The following SLIT3 variants were observed in gnomAD, a reference collection of about 807,000 sequenced individuals.
SLIT3 encodes slit guidance ligand 3, also known as slit homolog 3 protein.
SLIT3 carries 68 observed loss-of-function variants against 184.0 expected under a neutral mutation model. That is an observed-to-expected ratio of 0.37 (90% CI 0.30 to 0.45). SLIT3 has a LOEUF of 0.45. Among genes scored for constraint, SLIT3 ranks in the 20% least tolerant of loss-of-function variants. The pLI, the probability that SLIT3 is intolerant of heterozygous loss-of-function variation, is 1.00. For missense variants in SLIT3, 1,707 were observed against 2,026.0 expected, an observed-to-expected ratio of 0.84 and a Z score of 3.02; for synonymous variants, 831 against 828.6, an observed-to-expected ratio of 1.00 and a Z score of -0.05.
intron 4 of SLIT3, among the ~76,000 whole-genome samples, chr5:168,920,572 T>C (rs942521790): frequency 6.6e-6 from 1 of 152,172 alleles, no homozygotes; most frequent in Non-Finnish European, 1.5e-5. Flanking sequence ...GACTTCCTTA[T>C]TCAGTTTTAA....
intron 4 of SLIT3, among the ~76,000 whole-genome samples, chr5:169,177,833 T>C (rs934003544): frequency 2.6e-5 from 4 of 152,178 alleles, no homozygotes; most frequent in African/African-American, 7.2e-5. Context: ...CAAGGAGACT[T>C]CCTTTCTCTT....
At chr5:169,145,403 T>A (rs1339609943) in intron 4 of SLIT3, among the ~76,000 whole-genome samples, 1 of 152,180 alleles carries the variant, frequency 6.6e-6, no homozygotes, top group Non-Finnish European at 1.5e-5. Flanking sequence ...AAGGTATACA[T>A]GTGCAGATGC....
intron 4 of SLIT3, among the ~76,000 whole-genome samples, chr5:169,126,708 G>T (rs1475125654): frequency 6.6e-6 from 1 of 152,238 alleles, no homozygotes; most frequent in Non-Finnish European, 1.5e-5. Flanking sequence ...AGATGCCCGA[G>T]TCTGCCAAAT....
Position 168,823,334 on chromosome 5 carries a change from G to T in SLIT3, c.558-3C>A. ...TGATGTTGTTGTTGTTGAGGGTACT[G>T]TGGAGATAGACAAGGGAGATGGTCA... On this transcript the variant is annotated splice_region_variant and splice_polypyrimidine_tract_variant and intron_variant, in intron 6 of 35. Coordinates refer to ENST00000519560, the MANE Select transcript of SLIT3 (RefSeq NM_003062.4). The T allele has an allele frequency of 1.9e-6, 3 of 1,612,436 alleles. No homozygotes were observed. The highest frequency in any genetic ancestry group is 2.5e-6 in the Non-Finnish European group (3 of 1,178,512).
intron 8 of SLIT3, among the ~76,000 whole-genome samples, chr5:168,809,322 A>AAC (rs1367839756): frequency 6.6e-6 from 1 of 152,170 alleles, no homozygotes; most frequent in Non-Finnish European, 1.5e-5. Flanking sequence ...AAGTCTTTGA[A>AAC]AAAGATTCCT....
At chr5:168,844,423 T>A (rs1758378431) in intron 6 of SLIT3, among the ~76,000 whole-genome samples, 161 bp downstream of exon 6, 1 of 152,022 alleles carries the variant, frequency 6.6e-6, no homozygotes, top group African/African-American at 2.4e-5. Flanking sequence ...GCCGGAGGGA[T>A]CCCCTGGTTC....
At chr5:168,825,289 C>T (rs1757662082) in intron 6 of SLIT3, among the ~76,000 whole-genome samples, 1 of 152,166 alleles carries the variant, frequency 6.6e-6, no homozygotes, top group Non-Finnish European at 1.5e-5. Context: ...ATTCTCCATC[C>T]TACCCAAGGG....
intron 4 of SLIT3, among the ~76,000 whole-genome samples, chr5:169,150,776 C>T (rs1463807021): frequency 2.6e-5 from 4 of 152,164 alleles, no homozygotes; most frequent in Non-Finnish European, 4.4e-5. Context: ...GTCTTATCTA[C>T]TGGTCTCCAA....
intron 1 of SLIT3, among the ~76,000 whole-genome samples, chr5:169,279,423 A>C (rs1435088213): frequency 6.6e-6 from 1 of 152,152 alleles, no homozygotes; most frequent in Non-Finnish European, 1.5e-5. Context: ...CGGAGGAGGA[A>C]ACCTGAGGTT....
chr5:169,095,249 C>G (rs1167144473), intron 4 of SLIT3, among the ~76,000 whole-genome samples: 1 of 152,184 alleles, frequency 6.6e-6, no homozygotes, highest in East Asian at 1.9e-4. Flanking sequence ...TGTAAATTCT[C>G]TTCCATCTGA....
chr5:169,214,103 G>A (rs1033767104), intron 3 of SLIT3, among the ~76,000 whole-genome samples: 3 of 139,150 alleles, frequency 2.2e-5, no homozygotes, highest in Non-Finnish European at 3.1e-5. Context: ...CTTCTCATCT[G>A]TTAAATGGAA....
intron 4 of SLIT3, among the ~76,000 whole-genome samples, chr5:169,163,311 G>A (rs1358127858): frequency 2.0e-5 from 3 of 151,574 alleles, no homozygotes; most frequent in Middle Eastern, 3.4e-3. Flanking sequence ...ACCGTGCGAG[G>A]AAAAAAAAGG....
chr5:169,274,828 A>C (rs1581129309), intron 1 of SLIT3, among the ~76,000 whole-genome samples: 3 of 152,242 alleles, frequency 2.0e-5, no homozygotes, highest in African/African-American at 4.8e-5. Flanking sequence ...AATACTTACC[A>C]GTTGGGTGGT....
chr5:168,790,901 C>A (rs991090333), intron 10 of SLIT3: 3 of 152,348 alleles, frequency 2.0e-5, no homozygotes, highest in African/African-American at 7.2e-5. Flanking sequence ...TCTACTTCCT[C>A]CCCTCCCTGC....
At chr5:169,276,631 G>T (rs1766817174) in intron 1 of SLIT3, among the ~76,000 whole-genome samples, 1 of 152,178 alleles carries the variant, frequency 6.6e-6, no homozygotes, top group Non-Finnish European at 1.5e-5. Context: ...AAATATTGCT[G>T]CATGTTCATA....
chr5:168,768,134 G>A (rs1274859966), intron 14 of SLIT3: 1 of 501,506 alleles, frequency 2.0e-6, no homozygotes, highest in South Asian at 1.5e-5. Flanking sequence ...TGGCGGCGGT[G>A]GCGGGCCATG....
intron 4 of SLIT3, among the ~76,000 whole-genome samples, chr5:168,913,741 C>CAAAAAAAAAAAA (rs67241643): frequency 7.6e-6 from 1 of 131,014 alleles, no homozygotes; most frequent in Non-Finnish European, 1.6e-5. Flanking sequence ...AACTCCGTCT[C>CAAAAAAAAAAAA]AAAAAAAAAA....
chr5:168,963,579 G>A (rs943472121), intron 4 of SLIT3, among the ~76,000 whole-genome samples: 1 of 152,228 alleles, frequency 6.6e-6, no homozygotes. Flanking sequence ...ACTATCTGCT[G>A]TGTTACAGAA....
chr5:169,269,162 G>A (rs1766509678), intron 1 of SLIT3, among the ~76,000 whole-genome samples: 1 of 152,202 alleles, frequency 6.6e-6, no homozygotes, highest in African/African-American at 2.4e-5. Flanking sequence ...AGCAATAAGG[G>A]CAAGGGCTGT....
Sources: allele counts gnomAD v4.1 joint callset (sites outside exome capture counted in the v4.1 genomes callset), GRCh38; gene constraint gnomAD v4.1.1; transcripts MANE v1.5; gene names NCBI Gene and HGNC (gene_info 2026-07-23, HGNC 2026-07-21).